Variants in MRE11 observed in about 807,000 individuals in gnomAD.
MRE11 encodes the protein MRE11 double strand break repair nuclease.
MRE11 carries 62 observed loss-of-function variants against 91.7 expected under a neutral mutation model. The ratio of observed to expected loss-of-function variants is 0.68; its 90% confidence interval spans 0.55 to 0.84. The LOEUF (loss-of-function observed/expected upper bound fraction) is 0.84, where lower values mean the gene tolerates loss of function less well. Among genes scored for constraint, MRE11 ranks in the 40% least tolerant of loss-of-function variants. The probability of loss-of-function intolerance (pLI) is 0.00; values close to 1 mark genes in which losing one functional copy is unlikely to be tolerated. For missense variants in MRE11, 796 were observed against 852.9 expected, an observed-to-expected ratio of 0.93 and a Z score of 0.83; for synonymous variants, 273 against 271.4, an observed-to-expected ratio of 1.01 and a Z score of -0.06.
rs1945110961 is a variant in MRE11, at chr11:94,419,465, G to GAGAGA, written c.*659_*660insTCTCT. ...GAAGAGTGGGGAACGGGGGGGAGAGGGAGAGAGAGAGAGAGAGAGAGAGAG... is the reference window on the plus strand; with the variant it reads ...GAAGAGTGGGGAACGGGGGGGAGAGGAGAGAGAGAGAGAGAGAGAGAGAGAGAGAG... On this transcript the variant is annotated 3_prime_UTR_variant, in exon 20 of 20. Transcript: ENST00000323929. The GAGAGA allele has an allele frequency of 1.1e-3, 228 of 216,410 alleles. 1 individual carries two copies. The highest frequency in any genetic ancestry group is 5.4e-3 in the African/African-American group (219 of 40,686). 13.4% of individuals were successfully genotyped at this position (216,410 alleles called of 1,614,324 possible).
At chr11:94,495,397 T>C (rs1009933948), upstream of MRE11, among the ~76,000 whole-genome samples, 6 of 152,176 alleles carry the variant, frequency 3.9e-5, no homozygotes, top group African/African-American at 1.4e-4. Context: ...TCTTTCAGCT[T>C]ATAATCTTTT....
chr11:94,505,098 C>T, the MRE11 span, among the ~76,000 whole-genome samples: 1 of 152,182 alleles, frequency 6.6e-6, no homozygotes, highest in Admixed American at 6.5e-5. Context: ...GTCATGTTTA[C>T]ATACAACTAC....
At chr11:94,496,551 T>C, upstream of MRE11, 1 of 750,218 alleles carries the variant, frequency 1.3e-6, no homozygotes, top group Non-Finnish European at 2.1e-6. Flanking sequence ...TCTATGCAGT[T>C]GATAAAGCCT....
intron 18 of MRE11, 123 bp downstream of exon 18, chr11:94,435,709 A>T: frequency 1.3e-6 from 1 of 780,672 alleles, no homozygotes; most frequent in Non-Finnish European, 2.2e-6. Flanking sequence ...TCCTCTACAT[A>T]CTTTACTAGT....
At chr11:94,430,058 T>G (rs921528510) in intron 18 of MRE11, 72 bp from the exon 19 acceptor site, 2 of 1,455,780 alleles carry the variant, frequency 1.4e-6, no homozygotes, top group East Asian at 4.6e-5. Flanking sequence ...TCTGGCTAAG[T>G]TTTTCAATCC....
At chr11:94,512,336 GATA>G in the MRE11 span, 6 of 439,274 alleles carry the variant, frequency 1.4e-5, no homozygotes, top group Non-Finnish European at 2.3e-5. Flanking sequence ...TTTGGTCAAT[GATA>G]ATAATAACCC....
In MRE11 at chr11:94,418,495, A is replaced by G. The variant is rs1237277033; in HGVS notation, c.*1630T>C. The G allele has an allele frequency of 4.3e-6, 1 of 232,510 alleles. No individual in the cohort carries two copies. 14.4% of individuals were successfully genotyped at this position (232,510 alleles called of 1,614,324 possible). Reference sequence around the variant, plus strand: ...TCACCCAGACCCACCTAACTGATGCATGAGAAGAGCCACTAGCTGATGTGG... The same window carrying G: ...TCACCCAGACCCACCTAACTGATGCGTGAGAAGAGCCACTAGCTGATGTGG... On this transcript the variant is annotated 3_prime_UTR_variant, in exon 20 of 20. Transcript: ENST00000323929.
rs775203360 is a variant in MRE11 at position 94,478,732 on chromosome 11, T to C, written c.544+3A>G. 2 of 1,611,988 alleles carry C rather than the reference T, an allele frequency of 1.2e-6. No individual in the cohort carries two copies. The highest frequency in any genetic ancestry group is 1.1e-5 in the South Asian group (1 of 90,996). On this transcript the variant is annotated splice_donor_region_variant and intron_variant, in intron 6 of 19. Transcript: ENST00000323929. Reference sequence around the variant, plus strand: ...CATAAACAGTAAAATAAAACTGTCTTACCTAAACCATATAGCGCAATCTTT... The same window carrying C: ...CATAAACAGTAAAATAAAACTGTCTCACCTAAACCATATAGCGCAATCTTT...
the MRE11 span, among the ~76,000 whole-genome samples, chr11:94,505,444 TA>T: frequency 6.6e-6 from 1 of 152,078 alleles, no homozygotes; most frequent in Non-Finnish European, 1.5e-5. Flanking sequence ...GTTTAAAATT[TA>T]AAAATATATA....
chr11:94,452,581 A>C (rs1326543785), intron 14 of MRE11, among the ~76,000 whole-genome samples: 1 of 152,126 alleles, frequency 6.6e-6, no homozygotes, highest in Non-Finnish European at 1.5e-5. Flanking sequence ...TCATTTCTAA[A>C]CTTTGTATTT....
intron 19 of MRE11, among the ~76,000 whole-genome samples, chr11:94,423,467 T>C (rs113829978): frequency 1.3e-5 from 2 of 152,164 alleles, no homozygotes; most frequent in African/African-American, 2.4e-5. Context: ...AAGGTGGCCA[T>C]AGGCGCCCAT....
chr11:94,496,426 T>C (rs1301343879), upstream of MRE11, among the ~76,000 whole-genome samples: 1 of 152,188 alleles, frequency 6.6e-6, no homozygotes, highest in African/African-American at 2.4e-5. Context: ...ATTAGACCAC[T>C]ATTAGATCAT....
At chr11:94,471,511 T>G in intron 8 of MRE11, 63 bp downstream of exon 8, 2 of 1,512,616 alleles carry the variant, frequency 1.3e-6, no homozygotes, top group Non-Finnish European at 1.8e-6. Context: ...CTTAAACCTA[T>G]GAGATGATTA....
intron 10 of MRE11, chr11:94,466,350 G>T (rs978197859): frequency 6.0e-6 from 2 of 333,110 alleles, no homozygotes; most frequent in African/African-American, 4.4e-5. Context: ...TGGAGGCAGA[G>T]TCCTGGTAGG....
At chr11:94,447,658 G>A (rs1427427078) in intron 14 of MRE11, among the ~76,000 whole-genome samples, 3 of 112,936 alleles carry the variant, frequency 2.7e-5, no homozygotes, top group East Asian at 4.9e-4. Flanking sequence ...GCGAAACCCC[G>A]TCTCTACAAA....
chr11:94,511,173 C>T, the MRE11 span, among the ~76,000 whole-genome samples: 1 of 150,340 alleles, frequency 6.7e-6, no homozygotes, highest in Non-Finnish European at 1.5e-5. Flanking sequence ...AATTGCCTCT[C>T]GCTCTCTCTC....
intron 18 of MRE11, among the ~76,000 whole-genome samples, chr11:94,430,844 G>T (rs1319633778): frequency 6.6e-6 from 1 of 152,140 alleles, no homozygotes; most frequent in African/African-American, 2.4e-5. Context: ...AGTCACTTTA[G>T]ATCGGGGCCA....
At chr11:94,470,974 T>C (rs957872277) in intron 8 of MRE11, among the ~76,000 whole-genome samples, 5 of 152,078 alleles carry the variant, frequency 3.3e-5, no homozygotes, top group Non-Finnish European at 7.4e-5. Flanking sequence ...CCTATGTATA[T>C]GTACATACAT....
chr11:94,421,236 TA>T (rs1219343981), intron 19 of MRE11, among the ~76,000 whole-genome samples: 1 of 152,212 alleles, frequency 6.6e-6, no homozygotes, highest in Non-Finnish European at 1.5e-5. Context: ...AATTTGTTTA[TA>T]AGTTTTTTAT....
Sources: allele counts gnomAD v4.1 joint callset (sites outside exome capture counted in the v4.1 genomes callset), GRCh38; gene constraint gnomAD v4.1.1; transcripts MANE v1.5; gene names NCBI Gene and HGNC (gene_info 2026-07-23, HGNC 2026-07-21).